RBPMS2: variants seen among roughly 807,000 people sequenced by gnomAD.
RBPMS2 encodes the protein RNA-binding protein with multiple splicing 2.
Under a neutral mutation model 25.7 loss-of-function variants are expected in RBPMS2, and 14 were observed. The ratio of observed to expected loss-of-function variants is 0.55; its 90% CI spans 0.36 to 0.85. RBPMS2 has a LOEUF of 0.85. RBPMS2 is among the 40% of genes least tolerant of loss of function. RBPMS2 has a pLI of 0.01. For missense variants in RBPMS2, 252 were observed against 283.4 expected (o/e 0.89, Z 0.80); for synonymous variants, 127 against 115.6 (o/e 1.10, Z -0.63).
chr15:64,748,745 GCATCCTGCCTGCTTTAAGA>G (rs1276172483), intron 5 of RBPMS2, among the ~76,000 whole-genome samples, 178 bp from the exon 6 acceptor site: 5 of 152,160 alleles, frequency 3.3e-5, no homozygotes, highest in Non-Finnish European at 2.9e-5. Flanking sequence ...GTCATGGTGT[GCATCCTGCCTGCTTTAAGA>G]CAGGCCTCAG....
In RBPMS2 at chr15:64,765,772, T is replaced by C. The variant is rs562384701; in HGVS notation, c.87+9461A>G. Among the ~76,000 whole-genome samples, 3 of 152,196 alleles carry C rather than the reference T, an allele frequency of 2.0e-5. No homozygotes were observed. In the East Asian group the frequency reaches 5.8e-4, roughly 29 times the overall value. ...CACCCTGGCCAACATGGCGAAACCC[T>C]ATCTCTACTAAAAATACAAAAAATT... On this transcript the variant is annotated intron_variant, in intron 1 of 7. Coordinates refer to ENST00000300069, the MANE Select transcript of RBPMS2 (RefSeq NM_194272.3).
At chr15:64,749,626 A>AT in intron 3 of RBPMS2, 133 bp from the exon 4 acceptor site, 1 of 749,998 alleles carries the variant, frequency 1.3e-6, no homozygotes, top group South Asian at 2.0e-5. Context: ...CAAAAGGAAA[A>AT]AAAGCCCCCC....
intron 1 of RBPMS2, among the ~76,000 whole-genome samples, chr15:64,759,850 TTTAGTA>T (rs1270152253): frequency 6.6e-6 from 1 of 152,110 alleles, no homozygotes; most frequent in African/African-American, 2.4e-5. Flanking sequence ...TTTTTGTATT[TTTAGTA>T]GAGATGGGGT....
intron 1 of RBPMS2, among the ~76,000 whole-genome samples, chr15:64,773,181 C>A (rs1390581177): frequency 1.3e-5 from 2 of 152,182 alleles, no homozygotes; most frequent in Admixed American, 1.3e-4. Flanking sequence ...GATGGTTGCT[C>A]TTAGGGGCTG....
intron 6 of RBPMS2, among the ~76,000 whole-genome samples, chr15:64,746,264 G>A (rs1455849560): frequency 6.6e-6 from 1 of 152,038 alleles, no homozygotes; most frequent in South Asian, 2.1e-4. Flanking sequence ...TTTGGGGTGG[G>A]TGGCCTCTAT....
At chr15:64,751,445 C>G (rs1009667994) in intron 2 of RBPMS2, 116 bp downstream of exon 2, 20 of 823,674 alleles carry the variant, frequency 2.4e-5, no homozygotes, top group Non-Finnish European at 4.1e-5. Flanking sequence ...CCTGCCCCCA[C>G]AGCTTCTGCC....
intron 1 of RBPMS2, among the ~76,000 whole-genome samples, chr15:64,767,134 C>CT (rs927411590): frequency 2.0e-5 from 3 of 151,798 alleles, no homozygotes; most frequent in Admixed American, 6.6e-5. Flanking sequence ...GGCTCTCACT[C>CT]TATCACCCAG....
intron 6 of RBPMS2, among the ~76,000 whole-genome samples, chr15:64,744,975 C>A (rs574074551): frequency 1.1e-3 from 162 of 151,672 alleles, no homozygotes; most frequent in African/African-American, 3.8e-3. Flanking sequence ...CCACCACGCC[C>A]AGCTAATTTT....
At chr15:64,751,495 G>A in intron 2 of RBPMS2, 66 bp downstream of exon 2, 11 of 1,414,736 alleles carry the variant, frequency 7.8e-6, no homozygotes, top group Non-Finnish European at 1.1e-5. Flanking sequence ...CCCGACCCGA[G>A]ATTCACTCCC....
At chr15:64,766,381 T>C (rs577160575) in intron 1 of RBPMS2, among the ~76,000 whole-genome samples, 1 of 152,264 alleles carries the variant, frequency 6.6e-6, no homozygotes, top group Non-Finnish European at 1.5e-5. Context: ...TGTTGGCACG[T>C]ATCAGAAGTA....
chr15:64,745,467 G>C (rs372638986), intron 6 of RBPMS2, among the ~76,000 whole-genome samples: 1 of 152,170 alleles, frequency 6.6e-6, no homozygotes, highest in East Asian at 1.9e-4. Context: ...TAGAGGCACG[G>C]GAGTTTATGT....
chr15:64,760,912 A>G (rs2141070589), intron 1 of RBPMS2, among the ~76,000 whole-genome samples: 1 of 151,454 alleles, frequency 6.6e-6, no homozygotes, highest in East Asian at 1.9e-4. Context: ...CCACCAACCC[A>G]CCAGGAACAG....
chr15:64,753,812 A>C (rs149938974), intron 1 of RBPMS2, among the ~76,000 whole-genome samples: 92 of 152,174 alleles, frequency 6.0e-4, no homozygotes, highest in African/African-American at 2.1e-3. Flanking sequence ...ACACCACTCG[A>C]ATCCTGCTTT....
At chr15:64,765,583 T>A (rs1169683200) in intron 1 of RBPMS2, among the ~76,000 whole-genome samples, 4 of 148,908 alleles carry the variant, frequency 2.7e-5, no homozygotes, top group Non-Finnish European at 4.4e-5. Context: ...TGTGTCAGAA[T>A]AAAAAAAAGG....
Position 64,741,167 on chromosome 15 carries a change from A to G in RBPMS2, c.*7+6T>C. 1.9e-6 allele frequency: 3 copies of G among 1,568,556 alleles called. No individual in the cohort carries two copies. Among genetic ancestry groups the G allele is most frequent in the Admixed American group, 3.8e-5 (2 of 53,170 alleles). ...CTTGTCCTGGGCCTCTGGGGCCAAC[A>G]CTTACTGAAAAACTAACAGAACTGA... is the stretch of plus-strand genomic sequence containing the variant. On this transcript the variant is annotated splice_donor_region_variant and intron_variant, in intron 7 of 7. Coordinates refer to ENST00000300069, the MANE Select transcript of RBPMS2 (RefSeq NM_194272.3).
chr15:64,773,166 C>G (rs2083904206), intron 1 of RBPMS2, among the ~76,000 whole-genome samples: 1 of 152,206 alleles, frequency 6.6e-6, no homozygotes, highest in Non-Finnish European at 1.5e-5. Context: ...AACGCTGATT[C>G]TCCAGATGGT....
At chr15:64,750,056 CA>C (rs748378695) in intron 3 of RBPMS2, among the ~76,000 whole-genome samples, 283 of 138,004 alleles carry the variant, frequency 2.1e-3, no homozygotes, top group Non-Finnish European at 2.1e-3. Flanking sequence ...AACTCCATCT[CA>C]AAAAAAAAAA....
intron 1 of RBPMS2, among the ~76,000 whole-genome samples, chr15:64,766,530 C>T (rs552239721): frequency 1.1e-4 from 16 of 141,768 alleles, no homozygotes; most frequent in African/African-American, 2.6e-4. Context: ...TTAATGGTGG[C>T]TTTTTTTTTT....
intron 6 of RBPMS2, among the ~76,000 whole-genome samples, chr15:64,741,865 C>T (rs1032077688): frequency 1.3e-5 from 2 of 152,064 alleles, no homozygotes; most frequent in South Asian, 4.1e-4. Flanking sequence ...GAGATAATGT[C>T]TCTATTAAAA....
Sources: allele counts gnomAD v4.1 joint callset (sites outside exome capture counted in the v4.1 genomes callset), GRCh38; gene constraint gnomAD v4.1.1; transcripts MANE v1.5; gene names NCBI Gene and HGNC (gene_info 2026-07-23, HGNC 2026-07-21).